Variants in ATXN10 observed in about 807,000 individuals in gnomAD.
The protein encoded by ATXN10 is ataxin-10.
A neutral mutation model predicts 52.9 loss-of-function variants in ATXN10; 28 were observed. The ratio of observed to expected loss-of-function variants is 0.53; its 90% CI spans 0.39 to 0.73. The LOEUF (loss-of-function observed/expected upper bound fraction) is 0.73, where lower values mean the gene tolerates loss of function less well. ATXN10 is among the 30% of genes least tolerant of loss of function. The pLI is 0.00. For missense variants in ATXN10, 565 were observed against 577.0 expected (o/e 0.98, Z 0.21); for synonymous variants, 226 against 221.5 (o/e 1.02, Z -0.18).
chr22:45,801,870 T>A (rs1307446657), intron 9 of ATXN10, among the ~76,000 whole-genome samples: 1 of 152,334 alleles, frequency 6.6e-6, no homozygotes, highest in East Asian at 1.9e-4. Flanking sequence ...GGCACCATGC[T>A]GGATGCTTTC....
chr22:45,812,233 A>T (rs1270662050), intron 10 of ATXN10, among the ~76,000 whole-genome samples: 1 of 152,176 alleles, frequency 6.6e-6, no homozygotes, highest in African/African-American at 2.4e-5. Context: ...ATCACAGGTT[A>T]TTGTTAAATA....
chr22:45,767,344 GTATAC>G (rs1257881094), intron 9 of ATXN10, among the ~76,000 whole-genome samples: 2 of 151,620 alleles, frequency 1.3e-5, no homozygotes, highest in Admixed American at 1.3e-4. Flanking sequence ...CATTTTTATA[GTATAC>G]TATATCTTTT....
rs933636415 is a variant in ATXN10, at chr22:45,715,491, T to C, written c.648-2922T>C. ...GCTTTGAATGCTACCTAACACAAAT[T>C]TGTGAACTTTCTTATAACATGAGTT... On this transcript the variant is annotated intron_variant, in intron 5 of 11. Coordinates refer to ENST00000252934, the MANE Select transcript of ATXN10 (RefSeq NM_013236.4). This position sits in a 1 kb window ranked among gnomAD's most constrained non-coding sequence, Gnocchi z 4.4. 2.6e-5 allele frequency among the ~76,000 whole-genome samples: 4 copies of C among 152,214 alleles called. No individual in the cohort carries two copies. The highest frequency in any genetic ancestry group is 9.7e-5 in the African/African-American group (4 of 41,450).
At chr22:45,831,632 A>G (rs1046582666) in intron 10 of ATXN10, among the ~76,000 whole-genome samples, 2 of 152,158 alleles carry the variant, frequency 1.3e-5, no homozygotes, top group African/African-American at 2.4e-5. Flanking sequence ...TCTTCATTTT[A>G]TAGAGGAGGG....
At position 45,820,285 on chromosome 22, in the gene ATXN10, G is replaced by T. The variant is rs1205585671; in HGVS notation, c.1237+13263G>T. On this transcript the variant is annotated intron_variant, in intron 10 of 11. Coordinates refer to ENST00000252934, the MANE Select transcript of ATXN10 (RefSeq NM_013236.4). This position sits in a 1 kb window ranked among gnomAD's most constrained non-coding sequence, Gnocchi z 4.9. ...ACGGTGGGACCACCAACCTAAGGAA[G>T]ATGCAAGCTCTGATCACCGTCTAGT... Among the ~76,000 whole-genome samples, 1 of 152,190 alleles carries T rather than the reference G, an allele frequency of 6.6e-6. No individual in the cohort carries two copies. Among genetic ancestry groups the T allele is most frequent in the Admixed American group, 6.5e-5 (1 of 15,284 alleles).
At chr22:45,827,281 A>G (rs984180969) in intron 10 of ATXN10, among the ~76,000 whole-genome samples, 1 of 152,196 alleles carries the variant, frequency 6.6e-6, no homozygotes, top group African/African-American at 2.4e-5. Flanking sequence ...CATATGGGAA[A>G]CAAATAGCAA....
intron 1 of ATXN10, 127 bp from the exon 2 acceptor site, chr22:45,689,585 T>G (rs1194848291): frequency 6.4e-6 from 4 of 622,504 alleles, no homozygotes; most frequent in Non-Finnish European, 1.1e-5. Context: ...TGTTGTAAAT[T>G]AAGGAGCTAA....
At chr22:45,813,809 G>A (rs1029315757) in intron 10 of ATXN10, among the ~76,000 whole-genome samples, 1 of 152,192 alleles carries the variant, frequency 6.6e-6, no homozygotes, top group African/African-American at 2.4e-5. Context: ...AATATCCTAT[G>A]TAGCTATTCA....
Position 45,789,954 on chromosome 22 carries a change from AGATACTCCAAT to A in ATXN10, c.1174-17002_1174-16992del, listed in dbSNP as rs1399756360. Among the ~76,000 whole-genome samples the A allele has an allele frequency of 2.6e-5, 4 of 152,334 alleles. No homozygotes were observed. The highest frequency in any genetic ancestry group is 3.4e-3 in the Middle Eastern group (1 of 294). On this transcript the variant is annotated intron_variant, in intron 9 of 11. Coordinates refer to ENST00000252934, the MANE Select transcript of ATXN10 (RefSeq NM_013236.4). The surrounding 1 kb of genome is among the most constrained non-coding windows in gnomAD (Gnocchi z 4.0). Reference sequence around the variant, plus strand: ...AAGGTGGAAAATTCATTCCATATTAAGATACTCCAATGAAAGGCCTACATTCATTGTAATAA... The same window carrying A: ...AAGGTGGAAAATTCATTCCATATTAAGAAAGGCCTACATTCATTGTAATAA...
chr22:45,836,592 C>G (rs1929173965), intron 10 of ATXN10, among the ~76,000 whole-genome samples: 1 of 152,130 alleles, frequency 6.6e-6, no homozygotes, highest in South Asian at 2.1e-4. Flanking sequence ...GAGAACAGGG[C>G]CAAGGTCAAT....
chr22:45,684,972 C>A lies in ATXN10; in HGVS notation c.117-4740C>A, dbSNP rs9614756. The stretch of plus-strand genomic sequence containing the variant: ...GTGTGGATTTTAATAGTTTTTCTCA[C>A]TGGCAGTTGTTAAACTACTCTAAAC... On this transcript the variant is annotated intron_variant, in intron 1 of 11. Coordinates refer to ENST00000252934, the MANE Select transcript of ATXN10 (RefSeq NM_013236.4). The surrounding 1 kb of genome is among the most constrained non-coding windows in gnomAD (Gnocchi z 4.1). 0.052 allele frequency among the ~76,000 whole-genome samples: 7,928 copies of A among 152,300 alleles called. 286 individuals are homozygous for A. Among genetic ancestry groups the A allele is most frequent in the Non-Finnish European group, 0.084 (5,700 of 68,022 alleles).
At chr22:45,713,485 T>TA (rs1265121201) in intron 5 of ATXN10, among the ~76,000 whole-genome samples, 1 of 152,154 alleles carries the variant, frequency 6.6e-6, no homozygotes, top group African/African-American at 2.4e-5. Flanking sequence ...TAGGCGAACT[T>TA]ACAGAGTTCT....
In ATXN10 at chr22:45,775,918, T is replaced by C. The variant is rs1411594770; in HGVS notation, c.1174-31041T>C. Among the ~76,000 whole-genome samples the C allele has an allele frequency of 6.6e-6, 1 of 152,124 alleles. No homozygotes were observed. The highest frequency in any genetic ancestry group is 1.5e-5 in the Non-Finnish European group (1 of 68,014). ...TTTGAAACCTGGAGCTCCCGGAGATTAAGTGGAGCCACCATGGGCACCGAC... is the reference window on the plus strand; with the variant it reads ...TTTGAAACCTGGAGCTCCCGGAGATCAAGTGGAGCCACCATGGGCACCGAC... On this transcript the variant is annotated intron_variant, in intron 9 of 11. Transcript: ENST00000252934. The surrounding 1 kb of genome is among the most constrained non-coding windows in gnomAD (Gnocchi z 4.7).
Position 45,715,162 on chromosome 22 carries a change from G to A in ATXN10, c.648-3251G>A, listed in dbSNP as rs191023777. ...ATCAAATCACATTTATTGAACATTT[G>A]TTAGGAGATTTTTGGTTTTTCAAGA... On this transcript the variant is annotated intron_variant, in intron 5 of 11. Transcript: ENST00000252934. The surrounding 1 kb of genome is among the most constrained non-coding windows in gnomAD (Gnocchi z 4.4). 1.0e-3 allele frequency among the ~76,000 whole-genome samples: 153 copies of A among 152,274 alleles called. No homozygotes were observed. The highest frequency in any genetic ancestry group is 3.5e-3 in the African/African-American group (145 of 41,558).
chr22:45,703,411 A>C (rs1923916526), intron 5 of ATXN10, among the ~76,000 whole-genome samples: 1 of 152,156 alleles, frequency 6.6e-6, no homozygotes, highest in Middle Eastern at 3.2e-3. Flanking sequence ...CAACTTCTTG[A>C]ATCAGTAGAT....
At chr22:45,740,330 C>T in intron 8 of ATXN10, 39 bp from the exon 9 acceptor site, 2 of 1,610,546 alleles carry the variant, frequency 1.2e-6, no homozygotes, top group East Asian at 4.5e-5. Context: ...CTAAAAGTTA[C>T]TTTTCTGTGG....
Position 45,759,722 on chromosome 22 carries a change from T to C in ATXN10, c.1173+19184T>C, listed in dbSNP as rs938444834. On this transcript the variant is annotated intron_variant, in intron 9 of 11. Coordinates refer to ENST00000252934, the MANE Select transcript of ATXN10 (RefSeq NM_013236.4). The surrounding 1 kb of genome is among the most constrained non-coding windows in gnomAD (Gnocchi z 5.4). ...TGCCCTTCATAAAGCTCTAGTTTTG[T>C]AGGGGATGGGGTGGGATGGGGTCAC... 2.6e-5 allele frequency among the ~76,000 whole-genome samples: 4 copies of C among 152,054 alleles called. No homozygotes were observed. The highest frequency in any genetic ancestry group is 9.7e-5 in the African/African-American group (4 of 41,418).
In ATXN10 at chr22:45,795,677, A is replaced by G. The variant is rs1226143415; in HGVS notation, c.1174-11282A>G. On this transcript the variant is annotated intron_variant, in intron 9 of 11. Transcript: ENST00000252934. The surrounding 1 kb of genome is among the most constrained non-coding windows in gnomAD (Gnocchi z 4.6). ...GAAGAACATAAATTGTTAAGATTTC[A>G]TGGACATTTATTAGTTCCCCAAATT... Among the ~76,000 whole-genome samples the G allele has an allele frequency of 1.3e-5, 2 of 152,176 alleles. No individual in the cohort carries two copies. Among genetic ancestry groups the G allele is most frequent in the Non-Finnish European group, 2.9e-5 (2 of 68,026 alleles).
intron 9 of ATXN10, among the ~76,000 whole-genome samples, chr22:45,767,198 G>C (rs1428930401): frequency 6.6e-6 from 1 of 152,100 alleles, no homozygotes; most frequent in Non-Finnish European, 1.5e-5. Flanking sequence ...CAAACCAGGT[G>C]TCCATCAGGA....
Sources: gnomAD v4.1 joint callset for allele counts (sites outside exome capture counted in the v4.1 genomes callset) on GRCh38, gnomAD v4.1.1 for gene constraint, Gnocchi (gnomAD v3.1) non-coding constraint, MANE v1.5 for transcripts, NCBI Gene and HGNC (gene_info 2026-07-23, HGNC 2026-07-21) for gene names.